ABTB2: variants seen among roughly 807,000 people sequenced by gnomAD.
ABTB2 encodes ankyrin repeat and BTB/POZ domain-containing protein 2.
A neutral mutation model predicts 104.1 loss-of-function variants in ABTB2; 56 were observed. The ratio of observed to expected loss-of-function variants is 0.54; its 90% CI spans 0.43 to 0.67. The LOEUF is 0.67. Ranked by LOEUF, ABTB2 falls within the 30% of genes least tolerant of loss-of-function variation. The pLI, the probability that ABTB2 is intolerant of heterozygous loss-of-function variation, is 0.00. For missense variants in ABTB2, 1,279 were observed against 1,407.7 expected, an observed-to-expected ratio of 0.91 and a Z score of 1.46; for synonymous variants, 606 against 608.2, an observed-to-expected ratio of 1.00 and a Z score of 0.05.
intron 13 of ABTB2, 47 bp downstream of exon 13, chr11:34,159,859 T>C (rs927462390): frequency 2.8e-6 from 4 of 1,450,138 alleles, no homozygotes; most frequent in Admixed American, 3.4e-5. Flanking sequence ...TGAAACAAGG[T>C]GCTTCTGTGC....
intron 1 of ABTB2, among the ~76,000 whole-genome samples, chr11:34,212,823 G>A (rs1253104821): frequency 3.3e-5 from 5 of 152,200 alleles, no homozygotes; most frequent in African/African-American, 1.2e-4. Context: ...GTGGTCTTCT[G>A]GTGAAGTCAG....
intron 1 of ABTB2, among the ~76,000 whole-genome samples, chr11:34,249,450 A>G (rs1370059306): frequency 6.6e-6 from 1 of 152,136 alleles, no homozygotes; most frequent in Non-Finnish European, 1.5e-5. Flanking sequence ...GAATATCCCC[A>G]CCAAGGCTTC....
intron 1 of ABTB2, among the ~76,000 whole-genome samples, chr11:34,295,597 C>G (rs1800081388): frequency 3.3e-5 from 5 of 152,156 alleles, no homozygotes; most frequent in Admixed American, 2.6e-4. Context: ...GCAGAAAGCT[C>G]TCTTATGTGA....
At position 34,152,396 on chromosome 11, in the gene ABTB2, G is replaced by A; in HGVS notation, c.3069C>T (p.Ser1023=). The part of the protein sequence containing the change: ...AERVHSVYIT[S]RV ...GCCTCCGCCCCCTGCCTCACACCCG[G>A]GAGGTGATGTAGACAGAGTGCACGC... The change falls in exon 17 of 17, where the codon TCC becomes TCT. Residue 1023 remains serine, a synonymous_variant. Transcript: ENST00000435224. The A allele has an allele frequency of 6.4e-7, 1 of 1,567,858 alleles. No homozygotes were observed. The highest frequency in any genetic ancestry group is 8.6e-7 in the Non-Finnish European group (1 of 1,157,468).
At chr11:34,239,005 G>A (rs973872925) in intron 1 of ABTB2, among the ~76,000 whole-genome samples, 1 of 152,108 alleles carries the variant, frequency 6.6e-6, no homozygotes, top group East Asian at 1.9e-4. Flanking sequence ...TGCCTGCTTC[G>A]GCCTCCCAGA....
intron 1 of ABTB2, among the ~76,000 whole-genome samples, chr11:34,227,750 C>A (rs565268465): frequency 6.6e-6 from 1 of 150,694 alleles, no homozygotes; most frequent in Non-Finnish European, 1.5e-5. Flanking sequence ...TTTTTATTTT[C>A]TGAGACGGAG....
intron 3 of ABTB2, among the ~76,000 whole-genome samples, chr11:34,194,629 GCCT>G (rs1326433563): frequency 7.3e-6 from 1 of 136,356 alleles, no homozygotes; most frequent in African/African-American, 2.8e-5. Context: ...GATCCCCACA[GCCT>G]CCAGGGCCTT....
At chr11:34,183,070 C>G (rs910555969) in intron 3 of ABTB2, among the ~76,000 whole-genome samples, 1 of 152,170 alleles carries the variant, frequency 6.6e-6, no homozygotes, top group Non-Finnish European at 1.5e-5. Flanking sequence ...ATATTAGGCA[C>G]AGTAACCACA....
At position 34,173,168 on chromosome 11, in the gene ABTB2, G is replaced by T. The variant is rs766940515; in HGVS notation, c.1384C>A (p.Pro462Thr). 1.2e-6 allele frequency: 2 copies of T among 1,613,828 alleles called. No individual in the cohort carries two copies. The highest frequency in any genetic ancestry group is 4.5e-5 in the East Asian group (2 of 44,880). The change falls in exon 4 of 17, where the codon CCT becomes ACT. Residue 462 changes from proline to threonine, a missense_variant. By Grantham distance (38) the Pro-to-Thr change is conservative. Coordinates refer to ENST00000435224, the MANE Select transcript of ABTB2 (RefSeq NM_145804.3). Reference sequence around the variant, plus strand: ...CCTGGTTCATACTTGAGCTGCCGAGGTTCACAGTCCAGACCAGGCAGCAGC... The same window carrying T: ...CCTGGTTCATACTTGAGCTGCCGAGTTTCACAGTCCAGACCAGGCAGCAGC... ...RLLLPGLDCE[P>T]RQLKPEHCFS...
At chr11:34,248,273 T>G (rs77614174) in intron 1 of ABTB2, among the ~76,000 whole-genome samples, 1 of 151,880 alleles carries the variant, frequency 6.6e-6, no homozygotes, top group Non-Finnish European at 1.5e-5. Flanking sequence ...AATTTTTTTG[T>G]AGAGGGTGGG....
intron 1 of ABTB2, among the ~76,000 whole-genome samples, chr11:34,242,037 G>A (rs1442926471): frequency 2.0e-5 from 3 of 152,206 alleles, no homozygotes; most frequent in African/African-American, 4.8e-5. Flanking sequence ...GAGATGGCTC[G>A]GGCCCTGCGT....
intron 4 of ABTB2, 48 bp downstream of exon 4, chr11:34,173,107 G>T: frequency 6.2e-7 from 1 of 1,610,690 alleles, no homozygotes; most frequent in Non-Finnish European, 8.5e-7. Context: ...GGGAGCCGCT[G>T]GGGGCAGGTC....
intron 1 of ABTB2, among the ~76,000 whole-genome samples, chr11:34,259,588 C>G (rs1854164068): frequency 6.6e-6 from 1 of 152,210 alleles, no homozygotes; most frequent in Admixed American, 6.5e-5. Flanking sequence ...CCTTGACTTT[C>G]AGATCTGTGG....
intron 3 of ABTB2, among the ~76,000 whole-genome samples, chr11:34,195,075 C>CGGGGGGCG (rs1554982292): frequency 5.5e-5 from 1 of 18,074 alleles, no homozygotes; most frequent in African/African-American, 1.1e-4. Context: ...AGATGCCCGG[C>CGGGGGGCG]GGGGGGGGGG....
At chr11:34,225,346 C>G (rs916466172) in intron 1 of ABTB2, among the ~76,000 whole-genome samples, 1 of 152,190 alleles carries the variant, frequency 6.6e-6, no homozygotes, top group East Asian at 1.9e-4. Flanking sequence ...TGCAAGACCC[C>G]GCCACTGTTA....
intron 1 of ABTB2, among the ~76,000 whole-genome samples, chr11:34,345,660 C>A (rs1455831797): frequency 2.6e-5 from 4 of 152,150 alleles, no homozygotes; most frequent in African/African-American, 9.7e-5. Context: ...CAGCCCTACC[C>A]CTGAGGCCTT....
chr11:34,325,688 C>T (rs1419952634), intron 1 of ABTB2, among the ~76,000 whole-genome samples: 1 of 152,224 alleles, frequency 6.6e-6, no homozygotes, highest in South Asian at 2.1e-4. Flanking sequence ...CAGTGACTCA[C>T]GCCTGCAATC....
chr11:34,177,402 G>A (rs1852970877), intron 3 of ABTB2, among the ~76,000 whole-genome samples: 1 of 152,214 alleles, frequency 6.6e-6, no homozygotes, highest in African/African-American at 2.4e-5. Flanking sequence ...ATTGAAAACT[G>A]CATTTCCCAG....
Position 34,165,359 on chromosome 11 carries a change from G to T in ABTB2, c.1756-3C>A. ...TGGGCACCAGCATCCAGCAGCAACT[G>T]CCAGGGGCACAGAGGAGGAGGGCAC... On this transcript the variant is annotated splice_polypyrimidine_tract_variant and splice_region_variant and intron_variant, in intron 7 of 16. Transcript: ENST00000435224. 1.3e-6 allele frequency: 2 copies of T among 1,583,832 alleles called. No homozygotes were observed. Among genetic ancestry groups the T allele is most frequent in the Non-Finnish European group, 1.7e-6 (2 of 1,165,662 alleles).
Sources: allele counts gnomAD v4.1 joint callset (sites outside exome capture counted in the v4.1 genomes callset), GRCh38; gene constraint gnomAD v4.1.1; transcripts MANE v1.5; gene names NCBI Gene and HGNC (gene_info 2026-07-23, HGNC 2026-07-21).